The following USH2A variants were observed in gnomAD, a reference collection of about 807,000 sequenced individuals.
USH2A encodes usherin, also known as Usher syndrome 2A (autosomal recessive, mild).
In USH2A, 443 loss-of-function variants were observed where a neutral mutation model predicts 538.9. That is an observed-to-expected ratio of 0.82 (90% CI 0.76 to 0.89). USH2A has a LOEUF of 0.89. Ranked by LOEUF, USH2A falls within the 40% of genes least tolerant of loss-of-function variation. USH2A has a pLI of 0.00. For synonymous variants in USH2A, 2,413 were observed against 2,273.5 expected (o/e 1.06, Z -1.75); for missense variants, 6,633 against 6,324.8 (o/e 1.05, Z -1.65).
At chr1:216,151,219 C>T (rs2102620052) in intron 21 of USH2A, among the ~76,000 whole-genome samples, 1 of 152,222 alleles carries the variant, frequency 6.6e-6, no homozygotes, top group African/African-American at 2.4e-5. Flanking sequence ...AGGTGGATCC[C>T]TAGGAGTCTG....
chr1:216,047,231 G>C (rs1261368396), intron 31 of USH2A, among the ~76,000 whole-genome samples: 2 of 152,034 alleles, frequency 1.3e-5, no homozygotes, highest in Non-Finnish European at 2.9e-5. Flanking sequence ...AAATAAAAAA[G>C]GAAATATAAA....
intron 4 of USH2A, among the ~76,000 whole-genome samples, chr1:216,341,578 C>T (rs2038076990): frequency 6.6e-6 from 1 of 152,138 alleles, no homozygotes; most frequent in Admixed American, 6.6e-5. Context: ...AGGCATCATG[C>T]TACCTGTCTT....
At chr1:215,793,888 T>C (rs1169247768) in intron 50 of USH2A, among the ~76,000 whole-genome samples, 2 of 152,226 alleles carry the variant, frequency 1.3e-5, no homozygotes, top group African/African-American at 4.8e-5. Context: ...AAATCTGTCC[T>C]CTTTGAATGA....
intron 4 of USH2A, among the ~76,000 whole-genome samples, chr1:216,331,787 G>A (rs983917319): frequency 1.3e-5 from 2 of 152,036 alleles, no homozygotes; most frequent in African/African-American, 4.8e-5. Context: ...ATCTATTAAA[G>A]CAAGGCAATG....
chr1:215,878,614 G>A, intron 42 of USH2A, 150 bp downstream of exon 42: 1 of 759,982 alleles, frequency 1.3e-6, no homozygotes. Context: ...GAAGTGTACA[G>A]TATGATAGTG....
At chr1:215,631,871 G>T (rs886343723) in intron 70 of USH2A, among the ~76,000 whole-genome samples, 1 of 152,234 alleles carries the variant, frequency 6.6e-6, no homozygotes, top group Admixed American at 6.5e-5. Flanking sequence ...CTCAGCTGAA[G>T]CCTAAGTCTG....
At chr1:215,999,738 T>C (rs75998177) in intron 33 of USH2A, among the ~76,000 whole-genome samples, 5,678 of 152,186 alleles carry the variant, frequency 0.037, 344 homozygotes, top group African/African-American at 0.13. Context: ...AGGGGCACAA[T>C]GAAGCCAACA....
intron 14 of USH2A, among the ~76,000 whole-genome samples, chr1:216,218,510 C>A (rs2035389372): frequency 6.6e-6 from 1 of 152,076 alleles, no homozygotes; most frequent in Non-Finnish European, 1.5e-5. Context: ...AATAAAGATG[C>A]TGAACGGATG....
At chr1:216,232,200 A>G (rs962665450) in intron 13 of USH2A, 64 bp from the exon 14 acceptor site, 2 of 1,514,300 alleles carry the variant, frequency 1.3e-6, no homozygotes, top group Non-Finnish European at 1.8e-6. Flanking sequence ...TTAAAGCATA[A>G]TAATTGATTA....
Position 216,224,233 on chromosome 1 carries a change from G to A in USH2A, c.2994-6683C>T, listed in dbSNP as rs185396210. Reference sequence around the variant, plus strand: ...TGGAGCAGTCCTGGGGGCTATGGGGGAGAGTAGTCATAGTCACAGGTCAAC... The same window carrying A: ...TGGAGCAGTCCTGGGGGCTATGGGGAAGAGTAGTCATAGTCACAGGTCAAC... On this transcript the variant is annotated intron_variant, in intron 14 of 71. Coordinates refer to ENST00000307340, the MANE Select transcript of USH2A (RefSeq NM_206933.4). Among the ~76,000 whole-genome samples, 6 of 152,284 alleles carry A rather than the reference G, an allele frequency of 3.9e-5. No individual in the cohort carries two copies. The East Asian group carries it at 1.2e-3, about 29-fold the overall frequency.
intron 3 of USH2A, among the ~76,000 whole-genome samples, chr1:216,397,124 G>GTCTA: frequency 6.6e-6 from 1 of 152,180 alleles, no homozygotes; most frequent in East Asian, 1.9e-4. Flanking sequence ...TACCTTGTTA[G>GTCTA]TCTATCTAGT....
intron 9 of USH2A, among the ~76,000 whole-genome samples, chr1:216,314,975 G>A (rs191341869): frequency 3.4e-4 from 52 of 152,252 alleles, no homozygotes; most frequent in African/African-American, 1.1e-3. Context: ...CCAGAGCCCC[G>A]AAAGGTAAAT....
At chr1:216,404,193 C>T (rs2039354346) in intron 3 of USH2A, among the ~76,000 whole-genome samples, 1 of 151,982 alleles carries the variant, frequency 6.6e-6, no homozygotes, top group Non-Finnish European at 1.5e-5. Flanking sequence ...TATTAGAGGA[C>T]TCAATATAGT....
intron 12 of USH2A, among the ~76,000 whole-genome samples, chr1:216,248,384 G>A (rs2036093871): frequency 6.6e-6 from 1 of 151,938 alleles, no homozygotes; most frequent in South Asian, 2.1e-4. Flanking sequence ...AAATATCCAT[G>A]AATTTAAATA....
intron 14 of USH2A, among the ~76,000 whole-genome samples, chr1:216,225,449 A>G (rs1032548015): frequency 3.9e-5 from 6 of 152,162 alleles, no homozygotes; most frequent in Admixed American, 3.9e-4. Context: ...CATCAGTGGG[A>G]TAGGAGGGTC....
At chr1:215,676,974 T>A (rs141487814) in intron 62 of USH2A, among the ~76,000 whole-genome samples, 2 of 152,336 alleles carry the variant, frequency 1.3e-5, no homozygotes, top group East Asian at 3.9e-4. Context: ...CCTATTTTAT[T>A]CCCTCATGCT....
chr1:216,357,831 T>C (rs952962607), intron 4 of USH2A, among the ~76,000 whole-genome samples: 17 of 152,270 alleles, frequency 1.1e-4, no homozygotes, highest in African/African-American at 4.1e-4. Flanking sequence ...ACGATGACAT[T>C]GCTGACTCCT....
intron 49 of USH2A, among the ~76,000 whole-genome samples, chr1:215,800,053 A>G (rs916530298): frequency 6.6e-6 from 1 of 152,108 alleles, no homozygotes; most frequent in African/African-American, 2.4e-5. Flanking sequence ...TTAAAATCAA[A>G]GGACTCAAAT....
At chr1:216,144,416 T>A (rs1430251696) in intron 21 of USH2A, among the ~76,000 whole-genome samples, 1 of 151,772 alleles carries the variant, frequency 6.6e-6, no homozygotes, top group Non-Finnish European at 1.5e-5. Flanking sequence ...CAGAACCAAG[T>A]TAAACAAAAC....
Sources: allele counts gnomAD v4.1 joint callset (sites outside exome capture counted in the v4.1 genomes callset), GRCh38; gene constraint gnomAD v4.1.1; transcripts MANE v1.5; gene names NCBI Gene and HGNC (gene_info 2026-07-23, HGNC 2026-07-21).